Variants in DGKB observed in about 807,000 individuals in gnomAD.
The protein encoded by DGKB is diacylglycerol kinase beta.
Under a neutral mutation model 114.3 loss-of-function variants are expected in DGKB, and 67 were observed. That is an observed-to-expected ratio of 0.59 (90% CI 0.48 to 0.72). DGKB has a LOEUF of 0.72. Ranked by LOEUF, DGKB falls within the 30% of genes least tolerant of loss-of-function variation. The pLI is 0.00. For synonymous variants in DGKB, 398 were observed against 323.1 expected, an observed-to-expected ratio of 1.23 and a Z score of -2.49; for missense variants, 907 against 975.2, an observed-to-expected ratio of 0.93 and a Z score of 0.93.
At chr7:14,910,243 AAAG>A (rs1284648875) in intron 1 of DGKB, among the ~76,000 whole-genome samples, 2 of 2,070 alleles carry the variant, frequency 9.7e-4, no homozygotes, top group East Asian at 8.1e-3. Context: ...TCCATCAAAA[AAAG>A]AAAGAAAGAA....
intron 2 of DGKB, among the ~76,000 whole-genome samples, chr7:14,788,705 T>C (rs192920545): frequency 1.3e-3 from 195 of 152,176 alleles, no homozygotes; most frequent in African/African-American, 4.4e-3. Flanking sequence ...CTTGCCCACC[T>C]TTTCTTCTCA....
chr7:14,624,650 C>G (rs1038988411), intron 14 of DGKB, among the ~76,000 whole-genome samples: 3 of 152,086 alleles, frequency 2.0e-5, no homozygotes, highest in Admixed American at 6.6e-5. Flanking sequence ...TAGTCACCCC[C>G]CTAAGTAAGT....
At chr7:14,722,631 G>A (rs957355993) in intron 5 of DGKB, among the ~76,000 whole-genome samples, 1 of 152,022 alleles carries the variant, frequency 6.6e-6, no homozygotes, top group Non-Finnish European at 1.5e-5. Flanking sequence ...GGCCAACATG[G>A]TGAAACCTCG....
intron 20 of DGKB, among the ~76,000 whole-genome samples, chr7:14,569,607 T>A (rs776806580): frequency 9.2e-5 from 14 of 152,180 alleles, no homozygotes; most frequent in Non-Finnish European, 2.1e-4. Flanking sequence ...CATTGGTTCA[T>A]TCATCTATTA....
chr7:14,569,842 AT>A (rs1406082496), intron 20 of DGKB, among the ~76,000 whole-genome samples: 3 of 151,830 alleles, frequency 2.0e-5, no homozygotes, highest in African/African-American at 4.8e-5. Flanking sequence ...AGAATAGAAA[AT>A]GTCTCCATTT....
At chr7:14,674,922 C>A (rs1332934387) in intron 12 of DGKB, among the ~76,000 whole-genome samples, 2 of 151,994 alleles carry the variant, frequency 1.3e-5, no homozygotes, top group South Asian at 2.1e-4. Flanking sequence ...GTTTTAGGCA[C>A]CTATTATATG....
chr7:14,758,173 AGTTTT>A (rs1835164464), intron 2 of DGKB, among the ~76,000 whole-genome samples: 1 of 152,064 alleles, frequency 6.6e-6, no homozygotes, highest in Admixed American at 6.6e-5. Flanking sequence ...ATAACATTTT[AGTTTT>A]GTTATGTATA....
rs548641629 is a variant in DGKB, at chr7:14,321,847, A to G, written c.2122+16668T>C. 5.9e-5 allele frequency among the ~76,000 whole-genome samples: 9 copies of G among 152,340 alleles called. No individual in the cohort carries two copies. The East Asian group carries it at 1.2e-3, about 20-fold the overall frequency. On this transcript the variant is annotated intron_variant, in intron 23 of 25. Transcript: ENST00000402815. ...AAATATCTAGGCATAAGACAGCTAC[A>G]TAGAAAGTTATAAACCATTATAAGA...
chr7:14,250,364 G>T (rs1284111082), intron 23 of DGKB, among the ~76,000 whole-genome samples: 1 of 151,818 alleles, frequency 6.6e-6, no homozygotes, highest in Non-Finnish European at 1.5e-5. Flanking sequence ...ATTTTTATTT[G>T]TCTCAATATA....
intron 13 of DGKB, among the ~76,000 whole-genome samples, chr7:14,662,186 C>T (rs993241507): frequency 2.1e-5 from 3 of 146,024 alleles, no homozygotes; most frequent in African/African-American, 7.6e-5. Context: ...GCACATGTAC[C>T]CTAAAACTTA....
chr7:14,158,305 G>T (rs1034175272), intron 25 of DGKB, among the ~76,000 whole-genome samples: 1 of 152,120 alleles, frequency 6.6e-6, no homozygotes, highest in African/African-American at 2.4e-5. Context: ...GCATATTATG[G>T]CCATCTGCCT....
intron 21 of DGKB, 49 bp downstream of exon 21, chr7:14,478,112 G>A: frequency 7.6e-7 from 1 of 1,320,388 alleles, no homozygotes; most frequent in South Asian, 1.3e-5. Flanking sequence ...TCTTTTTATG[G>A]CAAAATTCAG....
chr7:14,958,426 A>ACACACACACACACAC (rs1786641254), intron 1 of DGKB, among the ~76,000 whole-genome samples: 1 of 122,816 alleles, frequency 8.1e-6, no homozygotes, highest in African/African-American at 3.2e-5. Context: ...TACCTCTCCC[A>ACACACACACACACAC]ACACACACAC....
chr7:14,816,844 G>A (rs563559194), intron 2 of DGKB, among the ~76,000 whole-genome samples: 9 of 152,060 alleles, frequency 5.9e-5, no homozygotes, highest in African/African-American at 2.2e-4. Flanking sequence ...CTTTCTCCAG[G>A]TACCCAACAT....
intron 20 of DGKB, among the ~76,000 whole-genome samples, chr7:14,491,548 G>A (rs112299676): frequency 6.6e-6 from 1 of 152,016 alleles, no homozygotes; most frequent in Non-Finnish European, 1.5e-5. Context: ...AACCACTTCT[G>A]CTTTTCTCTA....
intron 20 of DGKB, among the ~76,000 whole-genome samples, chr7:14,514,114 G>T (rs1417213483): frequency 6.6e-6 from 1 of 151,944 alleles, no homozygotes; most frequent in African/African-American, 2.4e-5. Context: ...GAACTGATTT[G>T]ATTTTGGGTA....
intron 5 of DGKB, among the ~76,000 whole-genome samples, chr7:14,726,669 AT>A (rs1183626710): frequency 6.6e-6 from 1 of 152,254 alleles, no homozygotes; most frequent in African/African-American, 2.4e-5. Context: ...GTCTTGGGCC[AT>A]CCATCATAAT....
chr7:14,923,555 T>C (rs1784609091), intron 1 of DGKB, among the ~76,000 whole-genome samples: 1 of 152,222 alleles, frequency 6.6e-6, no homozygotes, highest in African/African-American at 2.4e-5. Context: ...CTCCTTTTCC[T>C]TTTCTGTATT....
In DGKB at chr7:14,247,203, G is replaced by A. The variant is rs114533859; in HGVS notation, c.2123-69052C>T. ...AAGGCTGAAAAATATTCCACTGTGT[G>A]TGTATATGTGTGTTAATGTGTGCAT... On this transcript the variant is annotated intron_variant, in intron 23 of 25. Coordinates refer to ENST00000402815, the MANE Select transcript of DGKB (RefSeq NM_001350709.2). Among the ~76,000 whole-genome samples the A allele has an allele frequency of 6.1e-3, 928 of 152,170 alleles. 10 individuals carry two copies. Among genetic ancestry groups the A allele is most frequent in the African/African-American group, 0.021 (873 of 41,542 alleles).
Sources: allele counts gnomAD v4.1 joint callset (sites outside exome capture counted in the v4.1 genomes callset), GRCh38; gene constraint gnomAD v4.1.1; transcripts MANE v1.5; gene names NCBI Gene and HGNC (gene_info 2026-07-23, HGNC 2026-07-21).